Variants in MTMR3 observed in about 807,000 individuals in gnomAD.
MTMR3 encodes myotubularin related protein 3.
Under a neutral mutation model 132.4 loss-of-function variants are expected in MTMR3, and 32 were observed. The observed-to-expected ratio is 0.24, with a 90% CI of 0.18 to 0.32. The LOEUF is 0.32. Among genes scored for constraint, MTMR3 ranks in the 10% least tolerant of loss-of-function variants. The probability of loss-of-function intolerance (pLI) is 1.00; values close to 1 mark genes in which losing one functional copy is unlikely to be tolerated. For missense variants in MTMR3, 1,216 were observed against 1,489.6 expected (o/e 0.82, Z 3.02); for synonymous variants, 556 against 550.3 (o/e 1.01, Z -0.14).
chr22:29,884,230 T>C (rs2064617787), intron 1 of MTMR3, among the ~76,000 whole-genome samples: 1 of 152,106 alleles, frequency 6.6e-6, no homozygotes, highest in East Asian at 1.9e-4. Context: ...AGTATCTTGA[T>C]TCTGACATCT....
At chr22:29,935,879 A>G (rs2065740270) in intron 1 of MTMR3, among the ~76,000 whole-genome samples, 1 of 151,586 alleles carries the variant, frequency 6.6e-6, no homozygotes, top group South Asian at 2.1e-4. Flanking sequence ...CAGCCTCCCG[A>G]GTAGCTGGGA....
At chr22:30,000,481 A>ATAT (rs1221582840) in intron 8 of MTMR3, 1 of 136,560 alleles carries the variant, frequency 7.3e-6, no homozygotes, top group African/African-American at 3.2e-5. Context: ...AAAAATAAAA[A>ATAT]AAAAAAATAT....
chr22:29,927,261 T>TA (rs1251181965), intron 1 of MTMR3, among the ~76,000 whole-genome samples: 7 of 152,256 alleles, frequency 4.6e-5, no homozygotes, highest in African/African-American at 1.7e-4. Flanking sequence ...TTTCAAAACT[T>TA]ACTACAAAGA....
At chr22:29,909,907 G>A (rs2065174947) in intron 1 of MTMR3, among the ~76,000 whole-genome samples, 1 of 152,144 alleles carries the variant, frequency 6.6e-6, no homozygotes, top group Non-Finnish European at 1.5e-5. Context: ...TGTAATCCCA[G>A]CACTTTGGGA....
At chr22:29,979,195 C>T (rs771281831) in intron 5 of MTMR3, 143 bp downstream of exon 5, 9 of 620,282 alleles carry the variant, frequency 1.5e-5, no homozygotes, top group Non-Finnish European at 2.5e-5. Flanking sequence ...ATTTAGCACT[C>T]AAGGAACACT....
At chr22:29,917,554 T>C (rs1226326432) in intron 1 of MTMR3, among the ~76,000 whole-genome samples, 4 of 152,242 alleles carry the variant, frequency 2.6e-5, no homozygotes, top group South Asian at 4.1e-4. Flanking sequence ...GTATGTTTTC[T>C]AATCATAATG....
At chr22:29,885,258 C>G (rs1309171220) in intron 1 of MTMR3, among the ~76,000 whole-genome samples, 1 of 152,162 alleles carries the variant, frequency 6.6e-6, no homozygotes, top group Non-Finnish European at 1.5e-5. Context: ...GGCATGTGAA[C>G]TTTTGCTTTA....
chr22:29,928,675 TTTTTTTTAAG>T (rs2065576547), intron 1 of MTMR3, among the ~76,000 whole-genome samples: 1 of 150,678 alleles, frequency 6.6e-6, no homozygotes, highest in South Asian at 2.2e-4. Context: ...TAAAAAAAAT[TTTTTTTTAAG>T]TTTTTTTAAA....
chr22:29,960,040 TACA>T (rs1244932036), intron 2 of MTMR3, among the ~76,000 whole-genome samples: 2 of 151,734 alleles, frequency 1.3e-5, no homozygotes, highest in Non-Finnish European at 2.9e-5. Context: ...GTGTTGGTCT[TACA>T]GGTGTGAGCC....
intron 1 of MTMR3, among the ~76,000 whole-genome samples, chr22:29,896,898 CACACAT>C (rs934267225): frequency 1.7e-4 from 26 of 151,178 alleles, no homozygotes; most frequent in Non-Finnish European, 2.8e-4. Flanking sequence ...CACACACACA[CACACAT>C]ACACACACAC....
chr22:30,013,196 T>C (rs768413896), intron 13 of MTMR3, 160 bp from the exon 14 acceptor site: 22 of 578,362 alleles, frequency 3.8e-5, no homozygotes, highest in Non-Finnish European at 6.3e-5. Flanking sequence ...TTTCCCTAAG[T>C]GTGTGCCTCA....
At chr22:29,922,302 A>G (rs2065432854) in intron 1 of MTMR3, among the ~76,000 whole-genome samples, 1 of 152,172 alleles carries the variant, frequency 6.6e-6, no homozygotes, top group Non-Finnish European at 1.5e-5. Context: ...TACAACTGTG[A>G]GCCACCACGC....
intron 1 of MTMR3, among the ~76,000 whole-genome samples, chr22:29,902,406 G>GTT (rs534691732): frequency 0.025 from 3,389 of 134,418 alleles, 166 homozygotes; most frequent in African/African-American, 0.088. Context: ...GGTTATGAAA[G>GTT]TTTTTTTTTT....
chr22:30,007,059 T>G, intron 9 of MTMR3, 55 bp from the exon 10 acceptor site: 3 of 1,583,110 alleles, frequency 1.9e-6, no homozygotes, highest in Non-Finnish European at 2.6e-6. Context: ...CTATTTTGTG[T>G]GAGTACAGAG....
At chr22:29,971,472 A>AAGT (rs2066534504) in intron 3 of MTMR3, among the ~76,000 whole-genome samples, 18 of 152,214 alleles carry the variant, frequency 1.2e-4, no homozygotes, top group Non-Finnish European at 2.9e-5. Context: ...AAATTTTTTT[A>AAGT]AATTGACAAA....
intron 1 of MTMR3, among the ~76,000 whole-genome samples, chr22:29,946,018 T>G (rs2065945935): frequency 1.2e-5 from 1 of 85,166 alleles, no homozygotes; most frequent in African/African-American, 6.0e-5. Flanking sequence ...TGTGTGTATA[T>G]ATTTGTGTGT....
intron 1 of MTMR3, among the ~76,000 whole-genome samples, chr22:29,920,686 TTATG>T (rs1162185814): frequency 1.3e-5 from 2 of 152,124 alleles, no homozygotes; most frequent in Non-Finnish European, 2.9e-5. Flanking sequence ...TTTTTTAACT[TTATG>T]TATAAGTAAT....
intron 1 of MTMR3, among the ~76,000 whole-genome samples, chr22:29,901,619 T>A (rs1441668835): frequency 6.6e-6 from 1 of 152,226 alleles, no homozygotes; most frequent in Non-Finnish European, 1.5e-5. Flanking sequence ...ACCTCTAGTC[T>A]CTGGCAACCA....
chr22:29,902,406 G>GCTTTT (rs2065017842), intron 1 of MTMR3, among the ~76,000 whole-genome samples: 1 of 134,496 alleles, frequency 7.4e-6, no homozygotes, highest in Non-Finnish European at 1.6e-5. Context: ...GGTTATGAAA[G>GCTTTT]TTTTTTTTTT....
Sources: gnomAD v4.1 joint callset for allele counts (sites outside exome capture counted in the v4.1 genomes callset) on GRCh38, gnomAD v4.1.1 for gene constraint, MANE v1.5 for transcripts, NCBI Gene and HGNC (gene_info 2026-07-23, HGNC 2026-07-21) for gene names.